HIRA: variants seen among roughly 807,000 people sequenced by gnomAD.
The protein encoded by HIRA is histone cell cycle regulator.
A neutral mutation model predicts 126.6 loss-of-function variants in HIRA; 13 were observed. The observed-to-expected ratio is 0.10, with a 90% CI of 0.07 to 0.16. HIRA has a LOEUF of 0.16. HIRA is among the 10% of genes least tolerant of loss of function. The pLI is 1.00. For missense variants in HIRA, 834 were observed against 1,314.4 expected (o/e 0.63, Z 5.65); for synonymous variants, 511 against 520.0 (o/e 0.98, Z 0.24).
chr22:19,371,438 GT>G (rs888919167), intron 15 of HIRA, among the ~76,000 whole-genome samples: 12 of 150,828 alleles, frequency 8.0e-5, no homozygotes, highest in African/African-American at 1.7e-4. Flanking sequence ...TCCAAATCTG[GT>G]TTTTTTTTGA....
rs781844046 is a variant in HIRA, at chr22:19,353,360, G to A, written c.2844C>T (p.Asn948=). 6.8e-6 allele frequency: 11 copies of A among 1,612,540 alleles called. No homozygotes were observed. Among genetic ancestry groups the A allele is most frequent in the Middle Eastern group, 2.0e-4 (1 of 4,956 alleles). ...WLLVYARYLV[N]EGFEYRLREI... ...CAGGGCTGCCAGGAGCCTCACCTTCGTTTACGAGGTACCGTGCGTAGACGA... is the reference window on the plus strand; with the variant it reads ...CAGGGCTGCCAGGAGCCTCACCTTCATTTACGAGGTACCGTGCGTAGACGA... Residue 948 remains asparagine, a synonymous_variant, in exon 23 of 25, where the codon AAC becomes AAT. Transcript: ENST00000263208.
intron 15 of HIRA, among the ~76,000 whole-genome samples, chr22:19,375,306 C>G (rs1456382975): frequency 6.6e-6 from 1 of 152,194 alleles, no homozygotes; most frequent in African/African-American, 2.4e-5. Flanking sequence ...ATCTCATGCT[C>G]TCTTCCGTGC....
chr22:19,418,468 C>CA (rs949969630), intron 1 of HIRA, among the ~76,000 whole-genome samples: 2,636 of 141,384 alleles, frequency 0.019, 24 homozygotes, highest in African/African-American at 0.024. Context: ...ATTAAAAATA[C>CA]AAAAAAAAAA....
At chr22:19,387,615 G>A (rs996864810) in intron 11 of HIRA, 96 bp downstream of exon 11, 17 of 772,806 alleles carry the variant, frequency 2.2e-5, no homozygotes, top group Non-Finnish European at 3.7e-5. Context: ...ACTTGTCTGT[G>A]TATCTCACAA....
At chr22:19,424,022 C>T (rs1179252637) in intron 1 of HIRA, among the ~76,000 whole-genome samples, 1 of 152,208 alleles carries the variant, frequency 6.6e-6, no homozygotes, top group Non-Finnish European at 1.5e-5. Flanking sequence ...CCAAGGACAA[C>T]AGACACTGTT....
chr22:19,424,670 G>C (rs1249947133), intron 1 of HIRA, among the ~76,000 whole-genome samples: 3 of 152,140 alleles, frequency 2.0e-5, no homozygotes, highest in Non-Finnish European at 4.4e-5. Flanking sequence ...GAGTAAGTCT[G>C]GGCTTGGGCT....
At chr22:19,423,863 C>T (rs1287471566) in intron 1 of HIRA, among the ~76,000 whole-genome samples, 4 of 152,202 alleles carry the variant, frequency 2.6e-5, no homozygotes, top group East Asian at 1.9e-4. Context: ...AAATGGAAGG[C>T]TCTAGAAGAC....
chr22:19,358,050 A>C (rs2088829501), intron 18 of HIRA, among the ~76,000 whole-genome samples: 2 of 152,174 alleles, frequency 1.3e-5, no homozygotes, highest in South Asian at 4.2e-4. Context: ...CCCAGGCTGG[A>C]GTGTAGTGGC....
chr22:19,396,452 G>A (rs1025168547), intron 7 of HIRA, among the ~76,000 whole-genome samples: 2 of 152,224 alleles, frequency 1.3e-5, no homozygotes, highest in Non-Finnish European at 2.9e-5. Flanking sequence ...GGAGGCGGAG[G>A]TTGCAGTGAG....
chr22:19,398,102 A>G lies in HIRA; in HGVS notation c.398-15T>C. 6.2e-7 allele frequency: 1 copy of G among 1,605,222 alleles called. No homozygotes were observed. Among genetic ancestry groups the G allele is most frequent in the Non-Finnish European group, 8.5e-7 (1 of 1,172,360 alleles). On this transcript the variant is annotated splice_polypyrimidine_tract_variant and intron_variant, in intron 5 of 24. Coordinates refer to ENST00000263208, the MANE Select transcript of HIRA (RefSeq NM_003325.4). ...ATCCATCACATCTGAAAGAAGACAG[A>G]GGGTTCTGGTGAGATCTCTTACCTG... is the stretch of plus-strand genomic sequence containing the variant.
chr22:19,392,012 T>C, intron 9 of HIRA, 89 bp downstream of exon 9: 2 of 684,384 alleles, frequency 2.9e-6, no homozygotes, highest in Non-Finnish European at 5.1e-6. Context: ...ACTCTTAGCA[T>C]CACCCAAAGC....
chr22:19,361,755 C>T lies in HIRA; in HGVS notation c.1952G>A (p.Arg651His), dbSNP rs1457316829. 5 of 1,612,708 alleles carry T rather than the reference C, an allele frequency of 3.1e-6. No individual in the cohort carries two copies. Among genetic ancestry groups the T allele is most frequent in the East Asian group, 2.2e-5 (1 of 44,886 alleles). ...KKKGRPRKDS[R>H]LMPVSLSVQS... ...GACAGACAGAGACACAGGCATGAGA[C>T]GAGAGTCCTTCCGAGGCCGCCCTTT... Residue 651 changes from arginine to histidine, a missense_variant, in exon 16 of 25, where the codon CGT becomes CAT. Around this residue, in one of 5 missense-constraint regions of HIRA, gnomAD observed 468 missense variants for 574.2 expected, o/e 0.82. Transcript: ENST00000263208.
intron 1 of HIRA, among the ~76,000 whole-genome samples, chr22:19,411,455 G>T (rs762670510): frequency 6.6e-6 from 1 of 152,146 alleles, no homozygotes; most frequent in South Asian, 2.1e-4. Context: ...GGATCAGACC[G>T]GCAAAAGCAC....
intron 15 of HIRA, among the ~76,000 whole-genome samples, chr22:19,366,934 T>C (rs553241103): frequency 5.3e-5 from 8 of 152,222 alleles, no homozygotes; most frequent in African/African-American, 1.9e-4. Flanking sequence ...GCTAATTTTT[T>C]GTATTTTTAA....
At chr22:19,383,220 T>C (rs2089092863) in intron 13 of HIRA, among the ~76,000 whole-genome samples, 1 of 152,188 alleles carries the variant, frequency 6.6e-6, no homozygotes, top group Non-Finnish European at 1.5e-5. Context: ...AATGTTTTTT[T>C]CTTCTTTGGG....
intron 1 of HIRA, among the ~76,000 whole-genome samples, chr22:19,418,913 C>T (rs756869362): frequency 3.0e-4 from 40 of 134,780 alleles, no homozygotes; most frequent in African/African-American, 1.1e-3. Flanking sequence ...ATAATCATCT[C>T]GATAAGAAAT....
chr22:19,393,522 T>A (rs1241704711), intron 8 of HIRA, among the ~76,000 whole-genome samples: 1 of 151,970 alleles, frequency 6.6e-6, no homozygotes, highest in African/African-American at 2.4e-5. Context: ...CATGCCCAGC[T>A]AATTTTTGTA....
chr22:19,358,989 C>T lies in HIRA; in HGVS notation c.2234+347G>A, dbSNP rs188198465. Among the ~76,000 whole-genome samples the T allele has an allele frequency of 2.5e-4, 38 of 152,286 alleles. No homozygotes were observed. In the East Asian group the frequency reaches 7.1e-3, roughly 29 times the overall value. Reference sequence around the variant, plus strand: ...GGAAATCTGGGATCCAAAAAAGGAACCAGCCCAGGTCAAGGTGAGCCAGGC... The same window carrying T: ...GGAAATCTGGGATCCAAAAAAGGAATCAGCCCAGGTCAAGGTGAGCCAGGC... On this transcript the variant is annotated intron_variant, in intron 18 of 24. Transcript: ENST00000263208.
At chr22:19,379,520 G>A (rs1191706175) in intron 13 of HIRA, among the ~76,000 whole-genome samples, 6 of 150,694 alleles carry the variant, frequency 4.0e-5, no homozygotes, top group Non-Finnish European at 8.9e-5. Flanking sequence ...AGCTACTTGG[G>A]AGGCTGAGGC....
Sources: gnomAD v4.1 joint callset for allele counts (sites outside exome capture counted in the v4.1 genomes callset) on GRCh38, gnomAD v4.1.1 for gene constraint, gnomAD v4.1.1 regional missense constraint, MANE v1.5 for transcripts, NCBI Gene and HGNC (gene_info 2026-07-23, HGNC 2026-07-21) for gene names.